The following MB21D2 variants were observed in gnomAD, a reference collection of about 807,000 sequenced individuals.
The protein encoded by MB21D2 is nucleotidyltransferase MB21D2.
A neutral mutation model predicts 33.3 loss-of-function variants in MB21D2; 9 were observed. The observed-to-expected ratio is 0.27, with a 90% CI of 0.16 to 0.47. MB21D2 has a LOEUF of 0.47. MB21D2 is among the 20% of genes least tolerant of loss of function. The pLI, the probability that MB21D2 is intolerant of heterozygous loss-of-function variation, is 0.99. For synonymous variants in MB21D2, 241 were observed against 236.3 expected (o/e 1.02, Z -0.18); for missense variants, 540 against 624.6 (o/e 0.86, Z 1.44).
In MB21D2 at chr3:192,798,775, C is replaced by T. The variant is rs767501316; in HGVS notation, c.1087G>A (p.Asp363Asn). 2.2e-5 allele frequency: 35 copies of T among 1,612,920 alleles called. No individual in the cohort carries two copies. Among genetic ancestry groups the T allele is most frequent in the South Asian group, 7.7e-5 (7 of 91,076 alleles). ...YAAHFLLGLI[D>N]DLQHCLVNKM... is the part of the protein sequence containing the mutation. ...TTGACCAGACAGTGTTGCAGGTCATCGATGAGGCCCAGCAAAAAGTGGGCT... is the reference window on the plus strand; with the variant it reads ...TTGACCAGACAGTGTTGCAGGTCATTGATGAGGCCCAGCAAAAAGTGGGCT... The change falls in exon 2 of 2, where the codon GAT becomes AAT. Residue 363 changes from aspartate (D) to asparagine (N), a missense_variant. Physicochemically the swap from Asp to Asn is conservative, Grantham distance 23. Coordinates refer to ENST00000392452, the MANE Select transcript of MB21D2 (RefSeq NM_178496.4). This position sits in a 1 kb window ranked among gnomAD's most constrained non-coding sequence, Gnocchi z 4.8.
intron 1 of MB21D2, among the ~76,000 whole-genome samples, chr3:192,806,186 C>T (rs1711656172): frequency 6.6e-6 from 1 of 152,168 alleles, no homozygotes; most frequent in Admixed American, 6.5e-5. Flanking sequence ...GGGTCTTGAC[C>T]TGAACTAAAT....
intron 1 of MB21D2, among the ~76,000 whole-genome samples, chr3:192,912,335 C>T (rs1194527586): frequency 6.6e-6 from 1 of 152,052 alleles, no homozygotes. Flanking sequence ...GTGAAAAAAA[C>T]AGAGGGAGAG....
chr3:192,863,316 C>G (rs1713094741), intron 1 of MB21D2, among the ~76,000 whole-genome samples: 1 of 152,122 alleles, frequency 6.6e-6, no homozygotes, highest in South Asian at 2.1e-4. Context: ...TTTGGGCCAC[C>G]CAATTTGTGG....
chr3:192,873,963 G>C (rs1274899676), intron 1 of MB21D2, among the ~76,000 whole-genome samples: 1 of 152,206 alleles, frequency 6.6e-6, no homozygotes, highest in African/African-American at 2.4e-5. Flanking sequence ...GCCGACCAAA[G>C]TGCTGGGCCT....
At chr3:192,892,747 T>C (rs916471229) in intron 1 of MB21D2, among the ~76,000 whole-genome samples, 1 of 152,256 alleles carries the variant, frequency 6.6e-6, no homozygotes, top group East Asian at 1.9e-4. Context: ...CCGGCCATAG[T>C]CATTGCTTAT....
chr3:192,882,945 C>G (rs1462457301), intron 1 of MB21D2, among the ~76,000 whole-genome samples: 1 of 152,030 alleles, frequency 6.6e-6, no homozygotes, highest in East Asian at 1.9e-4. Flanking sequence ...GTTGGCCAGG[C>G]TGGTCTCGAA....
At chr3:192,871,195 C>T (rs1048960717) in intron 1 of MB21D2, among the ~76,000 whole-genome samples, 4 of 152,256 alleles carry the variant, frequency 2.6e-5, no homozygotes, top group Admixed American at 6.5e-5. Context: ...TTCCACCCAC[C>T]CCGCCCTTGT....
intron 1 of MB21D2, among the ~76,000 whole-genome samples, chr3:192,825,974 C>T (rs1442735810): frequency 6.6e-6 from 1 of 152,154 alleles, no homozygotes; most frequent in Non-Finnish European, 1.5e-5. Flanking sequence ...ATAACCTACA[C>T]AAGGGGAATG....
chr3:192,900,358 G>A (rs530433002), intron 1 of MB21D2, among the ~76,000 whole-genome samples: 2 of 151,198 alleles, frequency 1.3e-5, no homozygotes, highest in East Asian at 1.9e-4. Flanking sequence ...ACCAAGGGTT[G>A]GACAAATCCA....
chr3:192,832,810 G>C (rs925236061), intron 1 of MB21D2, among the ~76,000 whole-genome samples: 10 of 152,100 alleles, frequency 6.6e-5, no homozygotes, highest in Non-Finnish European at 1.0e-4. Flanking sequence ...AAAGGGGACC[G>C]GGGGGAAGAG....
At chr3:192,890,702 T>C (rs1713834277) in intron 1 of MB21D2, among the ~76,000 whole-genome samples, 1 of 152,048 alleles carries the variant, frequency 6.6e-6, no homozygotes, top group Admixed American at 6.5e-5. Context: ...GATTGTGCTA[T>C]CTGGTTAAAA....
chr3:192,905,822 G>A (rs1184961573), intron 1 of MB21D2, among the ~76,000 whole-genome samples: 4 of 151,828 alleles, frequency 2.6e-5, no homozygotes, highest in East Asian at 1.9e-4. Context: ...GACAGAGCAC[G>A]CCCTGTCTCA....
At chr3:192,804,362 A>G (rs890066411) in intron 1 of MB21D2, among the ~76,000 whole-genome samples, 16 of 152,146 alleles carry the variant, frequency 1.1e-4, no homozygotes, top group Non-Finnish European at 1.0e-4. Context: ...GAAAACTCAG[A>G]GAGTTCAAGA....
At chr3:192,854,534 T>C (rs1016576254) in intron 1 of MB21D2, among the ~76,000 whole-genome samples, 1 of 152,228 alleles carries the variant, frequency 6.6e-6, no homozygotes, top group South Asian at 2.1e-4. Flanking sequence ...CAGCAAGTTA[T>C]CCAGAGGCTC....
At chr3:192,914,891 G>A (rs1275212368) in intron 1 of MB21D2, among the ~76,000 whole-genome samples, 2 of 152,134 alleles carry the variant, frequency 1.3e-5, no homozygotes, top group Admixed American at 1.3e-4. Context: ...CCACCTCCTT[G>A]CTCTTCAGTG....
At position 192,799,756 on chromosome 3, in the gene MB21D2, T is replaced by A. The variant is rs1303918633; in HGVS notation, c.212-106A>T. On this transcript the variant is annotated intron_variant, in intron 1 of 1. Coordinates refer to ENST00000392452, the MANE Select transcript of MB21D2 (RefSeq NM_178496.4). The surrounding 1 kb of genome is among the most constrained non-coding windows in gnomAD (Gnocchi z 4.1). ...ATGTTCCAAGAACCAAAACTCATTA[T>A]CAGTACTAAATCAAATCTCAGGCTG... 1.6e-6 allele frequency: 2 copies of A among 1,224,912 alleles called. No individual in the cohort carries two copies. Among genetic ancestry groups the A allele is most frequent in the Non-Finnish European group, 2.2e-6 (2 of 901,256 alleles). 75.9% of individuals were successfully genotyped at this position (1,224,912 alleles called of 1,614,324 possible). A position where few individuals can be genotyped will look rare whatever the true frequency, so the allele number is the denominator to read the frequency against.
At chr3:192,880,752 T>C (rs373420075) in intron 1 of MB21D2, among the ~76,000 whole-genome samples, 8 of 152,268 alleles carry the variant, frequency 5.3e-5, no homozygotes, top group African/African-American at 1.9e-4. Context: ...CACATCCACC[T>C]GTTCCAAAGA....
At chr3:192,849,322 G>GC (rs1553858348) in intron 1 of MB21D2, among the ~76,000 whole-genome samples, 8 of 133,452 alleles carry the variant, frequency 6.0e-5, no homozygotes, top group Non-Finnish European at 1.1e-4. Flanking sequence ...TTTTTGGGGG[G>GC]GGGGCGGGGG....
At chr3:192,898,508 T>A (rs1338024920) in intron 1 of MB21D2, among the ~76,000 whole-genome samples, 1 of 152,124 alleles carries the variant, frequency 6.6e-6, no homozygotes, top group Non-Finnish European at 1.5e-5. Context: ...CCAAAACACA[T>A]CAAGGTATAT....
Sources: allele counts gnomAD v4.1 joint callset (sites outside exome capture counted in the v4.1 genomes callset), GRCh38; gene constraint gnomAD v4.1.1; non-coding constraint Gnocchi (gnomAD v3.1); transcripts MANE v1.5; gene names NCBI Gene and HGNC (gene_info 2026-07-23, HGNC 2026-07-21).